Variants in ANKS3 observed in about 807,000 individuals in gnomAD.
ANKS3 encodes ankyrin repeat and SAM domain-containing protein 3.
ANKS3 carries 62 observed loss-of-function variants against 80.7 expected under a neutral mutation model. That is an observed-to-expected ratio of 0.77 (90% CI 0.63 to 0.95). The LOEUF (loss-of-function observed/expected upper bound fraction) is 0.95. ANKS3 is among the 40% of genes least tolerant of loss of function. The pLI, the probability that ANKS3 is intolerant of heterozygous loss-of-function variation, is 0.00. For synonymous variants in ANKS3, 489 were observed against 355.3 expected, an observed-to-expected ratio of 1.38 and a Z score of -4.23; for missense variants, 1,150 against 883.6, an observed-to-expected ratio of 1.30 and a Z score of -3.82.
intron 5 of ANKS3, among the ~76,000 whole-genome samples, chr16:4,725,980 GTT>G (rs34382772): frequency 3.0e-4 from 41 of 137,164 alleles, no homozygotes; most frequent in East Asian, 6.5e-4. Context: ...TGTTGTTTTT[GTT>G]TTTTTTTTTT....
chr16:4,722,150 T>G (rs1371504369), intron 6 of ANKS3, among the ~76,000 whole-genome samples: 1 of 151,346 alleles, frequency 6.6e-6, no homozygotes, highest in Non-Finnish European at 1.5e-5. Flanking sequence ...ATGTGCATGT[T>G]GTGTCCCAAA....
chr16:4,715,020 G>A (rs961277167), intron 6 of ANKS3, among the ~76,000 whole-genome samples: 22 of 132,700 alleles, frequency 1.7e-4, no homozygotes, highest in African/African-American at 6.5e-5. Context: ...AAAAAAGGAT[G>A]TTTGGCACAG....
chr16:4,698,180 G>A (rs1273405274), intron 14 of ANKS3, 118 bp from the exon 15 acceptor site: 6 of 1,274,918 alleles, frequency 4.7e-6, no homozygotes, highest in South Asian at 1.4e-5. Context: ...TGGCCCTCAT[G>A]GGCTGGGCCA....
rs142047315 is a variant in ANKS3, at chr16:4,726,970, G to A, written c.369+9C>T. 90 of 1,613,872 alleles carry A rather than the reference G, an allele frequency of 5.6e-5. No homozygotes were observed. The highest frequency in any genetic ancestry group is 4.4e-4 in the South Asian group (40 of 91,084). ...CAGGTTTCTGGGCCTGAGTTCCCTCGTAGCTCACCTGGAGAAGAAAGTAGG... is the reference window on the plus strand; with the variant it reads ...CAGGTTTCTGGGCCTGAGTTCCCTCATAGCTCACCTGGAGAAGAAAGTAGG... On this transcript the variant is annotated intron_variant, in intron 4 of 17. Coordinates refer to ENST00000304283, the MANE Select transcript of ANKS3 (RefSeq NM_133450.4).
In ANKS3 at chr16:4,699,167, C is replaced by G; in HGVS notation, c.1294G>C (p.Ala432Pro). 2 of 1,614,024 alleles carry G rather than the reference C, an allele frequency of 1.2e-6. No homozygotes were observed. The highest frequency in any genetic ancestry group is 1.7e-6 in the Non-Finnish European group (2 of 1,180,008). ...APYSGPQDLA[A>P]LLEQIGCLKY... ...AGACACCCGATCTGCTCCAGCAGTG[C>G]GGCAAGGTCCTGGCAGGCACAGGGG... The change falls in exon 12 of 18, where the codon GCA becomes CCA. Residue 432 changes from alanine (A) to proline (P), a missense_variant. Physicochemically the swap from Ala to Pro is conservative, Grantham distance 27. Coordinates refer to ENST00000304283, the MANE Select transcript of ANKS3 (RefSeq NM_133450.4).
rs1481216182 is a variant in ANKS3 at position 4,696,854 on chromosome 16, T to C, written c.*54A>G. On this transcript the variant is annotated 3_prime_UTR_variant, in exon 18 of 18. Transcript: ENST00000304283. ...CCTGCTCACTGTCCTCCTCACTCCC[T>C]GGCACACAGCTTCAGGGTGGACCAA... The C allele has an allele frequency of 7.2e-6, 5 of 691,960 alleles. No homozygotes were observed. Among genetic ancestry groups the C allele is most frequent in the African/African-American group, 1.8e-5 (1 of 56,460 alleles). 42.9% of individuals were successfully genotyped at this position (691,960 alleles called of 1,614,324 possible). A position where few individuals can be genotyped will look rare whatever the true frequency, so the allele number is the denominator to read the frequency against.
chr16:4,728,979 A>G (rs552446193), intron 3 of ANKS3, among the ~76,000 whole-genome samples: 77 of 152,302 alleles, frequency 5.1e-4, no homozygotes, highest in African/African-American at 1.8e-3. Flanking sequence ...GCTTTGGCTC[A>G]CTGGGAACTG....
intron 6 of ANKS3, among the ~76,000 whole-genome samples, chr16:4,719,503 T>C (rs1384730616): frequency 6.6e-6 from 1 of 152,020 alleles, no homozygotes; most frequent in Admixed American, 6.6e-5. Flanking sequence ...AGCAGGATTA[T>C]CTGTCAAAGA....
chr16:4,696,554 G>T lies in ANKS3; in HGVS notation c.*354C>A. ...ATTTTCCAAAAAATGGCATTTTCCAGGTGCCCCAGTCCTCATTCCTAAGGT... is the reference window on the plus strand; with the variant it reads ...ATTTTCCAAAAAATGGCATTTTCCATGTGCCCCAGTCCTCATTCCTAAGGT... On this transcript the variant is annotated 3_prime_UTR_variant, in exon 18 of 18. Transcript: ENST00000304283. 1 of 172,864 alleles carries T rather than the reference G, an allele frequency of 5.8e-6. No homozygotes were observed. Among genetic ancestry groups the T allele is most frequent in the East Asian group, 1.7e-4 (1 of 5,930 alleles). 10.7% of individuals were successfully genotyped at this position (172,864 alleles called of 1,614,324 possible). A position where few individuals can be genotyped will look rare whatever the true frequency, so the allele number is the denominator to read the frequency against.
At chr16:4,705,300 C>T in intron 7 of ANKS3, 47 bp from the exon 8 acceptor site, 1 of 1,587,384 alleles carries the variant, frequency 6.3e-7, no homozygotes, top group Non-Finnish European at 8.6e-7. Flanking sequence ...GTAATGGACT[C>T]ATTTACTAAT....
chr16:4,706,995 C>T (rs751670606), intron 7 of ANKS3, among the ~76,000 whole-genome samples: 4 of 152,098 alleles, frequency 2.6e-5, no homozygotes, highest in Admixed American at 6.6e-5. Flanking sequence ...CAAGCTCTGG[C>T]GACTGAGCTA....
chr16:4,715,027 A>C (rs1023797705), intron 6 of ANKS3, among the ~76,000 whole-genome samples: 3 of 146,722 alleles, frequency 2.0e-5, no homozygotes, highest in Admixed American at 6.8e-5. Flanking sequence ...GATGTTTGGC[A>C]CAGCATATTC....
chr16:4,708,662 C>G (rs996136792), intron 7 of ANKS3, among the ~76,000 whole-genome samples: 14 of 152,080 alleles, frequency 9.2e-5, no homozygotes, highest in African/African-American at 3.4e-4. Flanking sequence ...AGGCTGCGCA[C>G]GGTGGCTCAC....
In ANKS3 at chr16:4,696,816, C is replaced by T. The variant is rs2079576225; in HGVS notation, c.*92G>A. ...TCTGGCCCCCACTGGGCCTGGGCTG[C>T]ACATGGCAGCTACCTGCTCACTGTC... On this transcript the variant is annotated 3_prime_UTR_variant, in exon 18 of 18. Transcript: ENST00000304283. 1.6e-6 allele frequency: 1 copy of T among 616,950 alleles called. No homozygotes were observed. The highest frequency in any genetic ancestry group is 1.9e-5 in the South Asian group (1 of 52,258). 38.2% of individuals were successfully genotyped at this position (616,950 alleles called of 1,614,324 possible).
At chr16:4,712,082 T>C (rs1018993382) in intron 7 of ANKS3, among the ~76,000 whole-genome samples, 7 of 152,088 alleles carry the variant, frequency 4.6e-5, no homozygotes, top group African/African-American at 1.7e-4. Flanking sequence ...TAGAAAAGTA[T>C]AGACCACGCC....
At position 4,720,417 on chromosome 16, in the gene ANKS3, G is replaced by C. The variant is rs539547872; in HGVS notation, c.573+4333C>G. Among the ~76,000 whole-genome samples, 165 of 148,830 alleles carry C rather than the reference G, an allele frequency of 1.1e-3. 3 individuals are homozygous for C. The highest frequency in any genetic ancestry group is 2.0e-3 in the Non-Finnish European group (136 of 66,830). ...GCAGAGGTTGCAGTGAGCCGAGATCGCGCCACTGCACTCCAGCCTGGGTGA... is the reference window on the plus strand; with the variant it reads ...GCAGAGGTTGCAGTGAGCCGAGATCCCGCCACTGCACTCCAGCCTGGGTGA... On this transcript the variant is annotated intron_variant, in intron 6 of 17. Coordinates refer to ENST00000304283, the MANE Select transcript of ANKS3 (RefSeq NM_133450.4).
intron 7 of ANKS3, among the ~76,000 whole-genome samples, chr16:4,709,444 TC>T (rs1399231584): frequency 6.6e-6 from 1 of 150,890 alleles, no homozygotes; most frequent in Non-Finnish European, 1.5e-5. Context: ...AGAAATGAGA[TC>T]CAGCAATTCC....
chr16:4,729,023 T>G (rs1260520102), intron 3 of ANKS3, among the ~76,000 whole-genome samples: 1 of 152,154 alleles, frequency 6.6e-6, no homozygotes, highest in Non-Finnish European at 1.5e-5. Context: ...GAGAGGTCGC[T>G]GCACCACAAT....
intron 2 of ANKS3, among the ~76,000 whole-genome samples, chr16:4,731,182 T>C (rs141865147): frequency 0.015 from 2,307 of 152,294 alleles, 26 homozygotes; most frequent in Non-Finnish European, 0.024. Flanking sequence ...AGAGGGAATT[T>C]GGGGGACGAT....
Sources: gnomAD v4.1 joint callset for allele counts (sites outside exome capture counted in the v4.1 genomes callset) on GRCh38, gnomAD v4.1.1 for gene constraint, MANE v1.5 for transcripts, NCBI Gene and HGNC (gene_info 2026-07-23, HGNC 2026-07-21) for gene names.